Variants in FOXP2 observed in about 807,000 individuals in gnomAD.
FOXP2 encodes the protein forkhead box protein P2.
Under a neutral mutation model 115.8 loss-of-function variants are expected in FOXP2, and 12 were observed. The observed-to-expected ratio is 0.10, with a 90% CI of 0.07 to 0.17. The LOEUF is 0.17. Ranked by LOEUF, FOXP2 falls within the 10% of genes least tolerant of loss-of-function variation. The probability of loss-of-function intolerance (pLI) is 1.00; values close to 1 mark genes in which losing one functional copy is unlikely to be tolerated. For missense variants in FOXP2, 629 were observed against 843.5 expected, an observed-to-expected ratio of 0.75 and a Z score of 3.15; for synonymous variants, 328 against 297.7, an observed-to-expected ratio of 1.10 and a Z score of -1.05.
intron 3 of FOXP2, among the ~76,000 whole-genome samples, chr7:114,543,063 G>T (rs1355987316): frequency 1.3e-5 from 2 of 151,904 alleles, no homozygotes; most frequent in Non-Finnish European, 2.9e-5. Flanking sequence ...ATTATAGCAT[G>T]AGCCACCATA....
At chr7:114,266,340 T>C (rs1002067836) in intron 1 of FOXP2, among the ~76,000 whole-genome samples, 8 of 152,150 alleles carry the variant, frequency 5.3e-5, no homozygotes, top group Non-Finnish European at 7.3e-5. Flanking sequence ...ATAGAGGAAA[T>C]ACCTTAGACT....
At chr7:114,202,202 G>A (rs565212920) in intron 1 of FOXP2, among the ~76,000 whole-genome samples, 3 of 152,314 alleles carry the variant, frequency 2.0e-5, no homozygotes, top group African/African-American at 7.2e-5. Context: ...ATATTTGGTT[G>A]AGGCTGCAAA....
intron 1 of FOXP2, among the ~76,000 whole-genome samples, chr7:114,123,224 G>A (rs1272476368): frequency 6.6e-6 from 1 of 151,406 alleles, no homozygotes; most frequent in Non-Finnish European, 1.5e-5. Flanking sequence ...GCATGGTGTT[G>A]CCTACCTAGT....
intron 2 of FOXP2, among the ~76,000 whole-genome samples, chr7:114,393,981 A>AGTGT (rs1168823399): frequency 1.9e-4 from 27 of 141,178 alleles, no homozygotes; most frequent in Admixed American, 6.3e-4. Context: ...TGTGTGTGAG[A>AGTGT]GTGTGTGTGT....
At chr7:114,540,983 G>A (rs544215263) in intron 3 of FOXP2, among the ~76,000 whole-genome samples, 75 of 152,152 alleles carry the variant, frequency 4.9e-4, no homozygotes, top group Middle Eastern at 3.4e-3. Flanking sequence ...TGATGAGGAA[G>A]TGAAATTATC....
intron 16 of FOXP2, among the ~76,000 whole-genome samples, chr7:114,670,195 G>A (rs1807419006): frequency 6.6e-6 from 1 of 151,902 alleles, no homozygotes; most frequent in Non-Finnish European, 1.5e-5. Flanking sequence ...TGTTAGTAAA[G>A]CAATTATCTG....
At chr7:114,481,987 G>A (rs1796570236) in intron 2 of FOXP2, among the ~76,000 whole-genome samples, 1 of 151,190 alleles carries the variant, frequency 6.6e-6, no homozygotes, top group South Asian at 2.1e-4. Flanking sequence ...CTTGTGTTCT[G>A]ATTTTAACTT....
At chr7:114,542,872 C>T (rs933118943) in intron 3 of FOXP2, among the ~76,000 whole-genome samples, 1 of 151,038 alleles carries the variant, frequency 6.6e-6, no homozygotes, top group African/African-American at 2.4e-5. Flanking sequence ...CTCACTGCAA[C>T]ATCTGCCTCC....
intron 2 of FOXP2, among the ~76,000 whole-genome samples, chr7:114,323,727 C>A (rs184646797): frequency 6.6e-6 from 1 of 151,860 alleles, no homozygotes; most frequent in African/African-American, 2.4e-5. Context: ...ATATGAAATA[C>A]CATCAGAGTA....
chr7:114,447,558 C>T (rs1184773091), intron 2 of FOXP2, among the ~76,000 whole-genome samples: 1 of 152,106 alleles, frequency 6.6e-6, no homozygotes, highest in African/African-American at 2.4e-5. Context: ...TCTCTTATCT[C>T]CCTTAGATCT....
chr7:114,175,610 A>G (rs62469186), intron 1 of FOXP2, among the ~76,000 whole-genome samples: 15,618 of 152,178 alleles, frequency 0.1, 1,532 homozygotes, highest in African/African-American at 0.26. Context: ...TTTTCTACAT[A>G]TGGTGTATAT....
chr7:114,140,655 GC>G (rs1792181915), intron 1 of FOXP2, among the ~76,000 whole-genome samples: 1 of 152,178 alleles, frequency 6.6e-6, no homozygotes, highest in African/African-American at 2.4e-5. Context: ...CATTCTAAAT[GC>G]AGCCACTACT....
intron 2 of FOXP2, among the ~76,000 whole-genome samples, chr7:114,457,625 G>T (rs530134603): frequency 1.3e-5 from 2 of 152,082 alleles, no homozygotes; most frequent in Admixed American, 6.5e-5. Flanking sequence ...ATGGCTGGGC[G>T]CAGTGGCTCA....
intron 1 of FOXP2, among the ~76,000 whole-genome samples, chr7:114,172,831 T>G (rs1173993739): frequency 6.6e-6 from 1 of 152,138 alleles, no homozygotes; most frequent in Non-Finnish European, 1.5e-5. Flanking sequence ...TAATTTCAAA[T>G]TTGATCTGTC....
At chr7:114,655,784 T>TATC (rs1465471686) in intron 10 of FOXP2, among the ~76,000 whole-genome samples, 1 of 152,166 alleles carries the variant, frequency 6.6e-6, no homozygotes, top group Non-Finnish European at 1.5e-5. Flanking sequence ...CCTTAACAGC[T>TATC]ATCAGTACAT....
At chr7:114,330,477 A>T (rs1373896954) in intron 2 of FOXP2, among the ~76,000 whole-genome samples, 1 of 129,930 alleles carries the variant, frequency 7.7e-6, no homozygotes, top group Non-Finnish European at 1.7e-5. Context: ...TAAAAAAAAA[A>T]AAGTTTATAT....
chr7:114,538,063 T>C (rs544789273), intron 3 of FOXP2, among the ~76,000 whole-genome samples: 2 of 151,790 alleles, frequency 1.3e-5, no homozygotes, highest in South Asian at 2.1e-4. Flanking sequence ...TGATCCATAA[T>C]GAGGAAAGTT....
intron 2 of FOXP2, among the ~76,000 whole-genome samples, chr7:114,392,940 C>T (rs531182426): frequency 2.0e-5 from 3 of 152,188 alleles, no homozygotes; most frequent in East Asian, 1.9e-4. Context: ...TCAGTGCTGA[C>T]GTACAGAGCT....
At chr7:114,247,733 T>C (rs1795324352) in intron 1 of FOXP2, among the ~76,000 whole-genome samples, 1 of 152,192 alleles carries the variant, frequency 6.6e-6, no homozygotes, top group Non-Finnish European at 1.5e-5. Flanking sequence ...TAAAAGGATA[T>C]ATTAGCTTTG....
Sources: allele counts gnomAD v4.1 joint callset (sites outside exome capture counted in the v4.1 genomes callset), GRCh38; gene constraint gnomAD v4.1.1; transcripts MANE v1.5; gene names NCBI Gene and HGNC (gene_info 2026-07-23, HGNC 2026-07-21).